The following SPRR1A variants were observed in gnomAD, a reference collection of about 807,000 sequenced individuals.
SPRR1A encodes small proline rich protein 1A.
For synonymous variants in SPRR1A, 40 were observed against 39.2 expected (o/e 1.02, Z -0.07); for missense variants, 123 against 105.4 (o/e 1.17, Z -0.73).
At chr1:152,985,412 T>C (rs767227503) in exon 1 of SPRR1A, 4 of 1,572,108 alleles carry the variant, frequency 2.5e-6, no homozygotes, top group Middle Eastern at 1.7e-4. Context: ...CAGCCCAAGG[T>C]TCCAGAGCCC....
At chr1:152,985,208 C>G, upstream of SPRR1A, 1 of 1,573,486 alleles carries the variant, frequency 6.4e-7, no homozygotes, top group Non-Finnish European at 8.6e-7. Flanking sequence ...CTTTCTGTCT[C>G]TAGAAAAAAA....
downstream of SPRR1A, chr1:152,985,641 CT>C: frequency 8.5e-6 from 12 of 1,407,668 alleles, no homozygotes; most frequent in Non-Finnish European, 1.0e-5. Context: ...CTTTGCACCT[CT>C]AAAAAGATGT....
At chr1:152,985,481 A>G (rs1177084027) in exon 1 of SPRR1A, 1 of 1,613,498 alleles carries the variant, frequency 6.2e-7, no homozygotes, top group East Asian at 2.2e-5. Context: ...CCAGCCCAGC[A>G]GAAGACCAAG....
downstream of SPRR1A, chr1:152,985,589 A>G (rs1032461529): frequency 7.2e-6 from 11 of 1,522,842 alleles, no homozygotes; most frequent in Non-Finnish European, 9.7e-6. Context: ...TTGCCTATTG[A>G]CCCTGCAGTT....
chr1:152,984,122 C>T (rs1652231691), upstream of SPRR1A, among the ~76,000 whole-genome samples: 1 of 152,140 alleles, frequency 6.6e-6, no homozygotes, highest in Non-Finnish European at 1.5e-5. Flanking sequence ...GCTCCGTATA[C>T]CAGGTAAGTC....
upstream of SPRR1A, among the ~76,000 whole-genome samples, chr1:152,985,044 A>T (rs966353495): frequency 6.6e-6 from 1 of 152,146 alleles, no homozygotes; most frequent in African/African-American, 2.4e-5. Context: ...CCTCCTCTTC[A>T]AAGGGCCTGA....
At position 152,985,268 on chromosome 1, in the gene SPRR1A, C is replaced by T. The variant is rs759863345; in HGVS notation, c.38C>T (p.Pro13Leu). Residue 13 changes from proline to leucine, a missense_variant, in exon 1 of 1, where the codon CCC becomes CTC. Pro to Leu is a moderately conservative substitution (Grantham distance 98). Coordinates refer to ENST00000368762, the Ensembl canonical transcript of SPRR1A. Reference sequence around the variant, plus strand: ...CAGCAGAAGCAGCCTTGCACCCCACCCCCTCAGCCTCAGCAGCAGCAGGTG... The same window carrying T: ...CAGCAGAAGCAGCCTTGCACCCCACTCCCTCAGCCTCAGCAGCAGCAGGTG... The T allele has an allele frequency of 1.4e-5, 23 of 1,613,544 alleles. No individual in the cohort carries two copies. In the South Asian group the frequency reaches 1.8e-4, roughly 12 times the overall value.
chr1:152,985,503 T>C (rs201772388), downstream of SPRR1A: 2 of 1,611,518 alleles, frequency 1.2e-6, no homozygotes, highest in East Asian at 4.5e-5. Flanking sequence ...AGAAGTAATG[T>C]GGTCCACAGC....
downstream of SPRR1A, chr1:152,985,512 G>A (rs750695155): frequency 1.2e-6 from 2 of 1,607,222 alleles, no homozygotes; most frequent in South Asian, 2.2e-5. Flanking sequence ...GTGGTCCACA[G>A]CCATGCCCTT....
chr1:152,985,635 G>T, downstream of SPRR1A: 1 of 1,430,592 alleles, frequency 7.0e-7, no homozygotes, highest in Non-Finnish European at 9.3e-7. Context: ...TCGCTCCTTT[G>T]CACCTCTAAA....
chr1:152,985,179 A>T, upstream of SPRR1A: 1 of 1,540,186 alleles, frequency 6.5e-7, no homozygotes, highest in Non-Finnish European at 8.7e-7. Context: ...ATCTTTCTTT[A>T]ATTGAATCAC....
At chr1:152,985,358 C>T (rs760747635) in exon 1 of SPRR1A, 4 of 1,563,400 alleles carry the variant, frequency 2.6e-6, no homozygotes, top group Admixed American at 3.4e-5. Context: ...CCCTGCCACC[C>T]CAAGGTGCCT....
rs17879194 is a variant in SPRR1A at position 152,985,332 on chromosome 1, C to T, written c.102C>T (p.Ile34=). The change falls in exon 1 of 1, where the codon ATC becomes ATT. Residue 34 remains isoleucine (I), a synonymous_variant. Coordinates refer to ENST00000368762, the Ensembl canonical transcript of SPRR1A. ...AGCCTCCACCCCAGGAACCATGCATCCCCAAAACCAAGGAGCCCTGCCACC... is the reference window on the plus strand; with the variant it reads ...AGCCTCCACCCCAGGAACCATGCATTCCCAAAACCAAGGAGCCCTGCCACC... 2.6e-3 allele frequency: 4,261 copies of T among 1,613,810 alleles called. 91 individuals carry two copies. The African/African-American group carries it at 0.05, about 19-fold the overall frequency.
upstream of SPRR1A, among the ~76,000 whole-genome samples, chr1:152,984,631 C>A (rs146875514): frequency 6.4e-3 from 974 of 152,078 alleles, 5 homozygotes; most frequent in Admixed American, 0.012. Flanking sequence ...ATTGGCATGA[C>A]GGAGATGGGC....
chr1:152,985,238 C>G, exon 1 of SPRR1A: 1 of 1,606,546 alleles, frequency 6.2e-7, no homozygotes, highest in East Asian at 2.2e-5. Context: ...AGCATGAATT[C>G]TCAGCAGCAG....
downstream of SPRR1A, chr1:152,985,516 T>C (rs147446158): frequency 1.2e-6 from 2 of 1,606,142 alleles, no homozygotes; most frequent in Non-Finnish European, 1.7e-6. Flanking sequence ...TCCACAGCCA[T>C]GCCCTTGAGG....
At chr1:152,984,663 G>T (rs1652253383), upstream of SPRR1A, among the ~76,000 whole-genome samples, 1 of 152,044 alleles carries the variant, frequency 6.6e-6, no homozygotes, top group Non-Finnish European at 1.5e-5. Context: ...GTGCACTTTT[G>T]GGAGACCTTG....
At chr1:152,985,169 A>T (rs1341242628), upstream of SPRR1A, 1 of 1,534,200 alleles carries the variant, frequency 6.5e-7, no homozygotes, top group African/African-American at 1.4e-5. Context: ...ATTTGTATCC[A>T]TCTTTCTTTA....
At chr1:152,985,093 G>T (rs1212597097), upstream of SPRR1A, 7 of 1,189,892 alleles carry the variant, frequency 5.9e-6, no homozygotes, top group Admixed American at 1.4e-4. Context: ...ATGTAATGGG[G>T]GAGTTAAGGG....
Sources: gnomAD v4.1 joint callset for allele counts (sites outside exome capture counted in the v4.1 genomes callset) on GRCh38, gnomAD v4.1.1 for gene constraint, MANE v1.5 for transcripts, NCBI Gene and HGNC (gene_info 2026-07-23, HGNC 2026-07-21) for gene names.